RANBP17: variants seen among roughly 807,000 people sequenced by gnomAD.
RANBP17 encodes RAN binding protein 17, also known as ran-binding protein 17.
A neutral mutation model predicts 141.2 loss-of-function variants in RANBP17; 158 were observed. The observed-to-expected ratio is 1.12, with a 90% CI of 0.98 to 1.28. The LOEUF is 1.28. Among genes scored for constraint, RANBP17 ranks in the 50% most tolerant of loss-of-function variants. The probability of loss-of-function intolerance (pLI) is 0.00; values close to 1 mark genes in which losing one functional copy is unlikely to be tolerated. For synonymous variants in RANBP17, 430 were observed against 450.0 expected, an observed-to-expected ratio of 0.96 and a Z score of 0.56; for missense variants, 1,438 against 1,290.7, an observed-to-expected ratio of 1.11 and a Z score of -1.75.
At chr5:171,245,253 T>C (rs1048292491) in intron 24 of RANBP17, among the ~76,000 whole-genome samples, 2 of 152,222 alleles carry the variant, frequency 1.3e-5, no homozygotes, top group African/African-American at 4.8e-5. Context: ...TAACTTGTTA[T>C]TTTTGAATGT....
intron 14 of RANBP17, among the ~76,000 whole-genome samples, chr5:171,117,663 T>A (rs1051090872): frequency 1.3e-5 from 2 of 152,036 alleles, no homozygotes; most frequent in Non-Finnish European, 2.9e-5. Context: ...CCAGCTAATT[T>A]TTGTATTTTT....
chr5:171,007,864 G>A (rs1779761951), intron 14 of RANBP17, among the ~76,000 whole-genome samples: 1 of 152,142 alleles, frequency 6.6e-6, no homozygotes, highest in African/African-American at 2.4e-5. Flanking sequence ...AAGGAGGAAT[G>A]GAGGGTGGAA....
intron 14 of RANBP17, among the ~76,000 whole-genome samples, chr5:171,016,916 C>T (rs1352625974): frequency 1.4e-5 from 2 of 148,050 alleles, no homozygotes; most frequent in African/African-American, 2.5e-5. Context: ...CCCCCACCCC[C>T]CAACAGGCCC....
intron 14 of RANBP17, among the ~76,000 whole-genome samples, chr5:171,114,931 T>G (rs1755504888): frequency 6.6e-6 from 1 of 151,718 alleles, no homozygotes; most frequent in South Asian, 2.1e-4. Flanking sequence ...CATGGCAATT[T>G]AGTGAAACCC....
intron 12 of RANBP17, among the ~76,000 whole-genome samples, chr5:170,951,852 A>T (rs1775239219): frequency 6.6e-6 from 1 of 152,060 alleles, no homozygotes; most frequent in South Asian, 2.1e-4. Context: ...AGTGATTATG[A>T]TATAAATATT....
At chr5:171,058,352 C>T (rs1783555422) in intron 14 of RANBP17, among the ~76,000 whole-genome samples, 1 of 133,090 alleles carries the variant, frequency 7.5e-6, no homozygotes, top group Admixed American at 8.5e-5. Flanking sequence ...TGATGTTCCT[C>T]TTCCTGTGTC....
intron 18 of RANBP17, among the ~76,000 whole-genome samples, chr5:171,192,611 A>G (rs1246336541): frequency 6.6e-6 from 1 of 152,226 alleles, no homozygotes; most frequent in Non-Finnish European, 1.5e-5. Context: ...TAAATAAGAT[A>G]AAGATACATA....
At chr5:171,058,435 GT>G (rs1783562460) in intron 14 of RANBP17, among the ~76,000 whole-genome samples, 1 of 150,564 alleles carries the variant, frequency 6.6e-6, no homozygotes, top group Non-Finnish European at 1.5e-5. Flanking sequence ...CCTTGTGATA[GT>G]TTGCTGAGAA....
chr5:171,206,338 T>C (rs1764946285), intron 20 of RANBP17: 1 of 156,372 alleles, frequency 6.4e-6, no homozygotes, highest in African/African-American at 2.4e-5. Flanking sequence ...CATGGTATAT[T>C]GTAACCATTA....
At chr5:171,023,448 ACTT>A (rs1781024458) in intron 14 of RANBP17, among the ~76,000 whole-genome samples, 1 of 152,040 alleles carries the variant, frequency 6.6e-6, no homozygotes, top group Non-Finnish European at 1.5e-5. Context: ...TGCTATTTAC[ACTT>A]CTTTTCTTTG....
At chr5:171,114,679 T>G (rs555336040) in intron 14 of RANBP17, among the ~76,000 whole-genome samples, 1 of 148,912 alleles carries the variant, frequency 6.7e-6, no homozygotes, top group East Asian at 2.0e-4. Flanking sequence ...TGCCAGCATT[T>G]TAGAAGCATT....
At chr5:170,905,565 C>T (rs1378503755) in intron 5 of RANBP17, among the ~76,000 whole-genome samples, 1 of 152,094 alleles carries the variant, frequency 6.6e-6, no homozygotes, top group Non-Finnish European at 1.5e-5. Context: ...TCACGGCCAT[C>T]ACCTTCCTGA....
chr5:170,884,705 A>G (rs756138769), intron 3 of RANBP17, among the ~76,000 whole-genome samples: 18 of 152,286 alleles, frequency 1.2e-4, no homozygotes, highest in Non-Finnish European at 2.1e-4. Context: ...AAATGTTTCT[A>G]TAAAGTACCA....
chr5:170,916,815 G>A (rs561569986), intron 9 of RANBP17, among the ~76,000 whole-genome samples: 15 of 150,772 alleles, frequency 9.9e-5, no homozygotes, highest in Middle Eastern at 3.4e-3. Flanking sequence ...TCCCGGGTTC[G>A]AGTGATTCTT....
Position 171,183,441 on chromosome 5 carries a change from G to C in RANBP17, c.2038+11G>C. On this transcript the variant is annotated intron_variant, in intron 18 of 27. Transcript: ENST00000523189. ...TGATGGTAGATCTGGGTAAGGTTAA[G>C]AATTTAAACTCAATTAATAAGGGAT... is the stretch of plus-strand genomic sequence containing the variant. The C allele has an allele frequency of 6.4e-7, 1 of 1,573,140 alleles. No homozygotes were observed. The highest frequency in any genetic ancestry group is 8.7e-7 in the Non-Finnish European group (1 of 1,142,868).
intron 14 of RANBP17, among the ~76,000 whole-genome samples, chr5:171,091,712 A>G (rs975838848): frequency 1.3e-5 from 2 of 152,188 alleles, no homozygotes; most frequent in African/African-American, 4.8e-5. Context: ...CATGATAGCG[A>G]ATAAGTCTCA....
At chr5:171,020,411 T>C (rs1010145583) in intron 14 of RANBP17, among the ~76,000 whole-genome samples, 2 of 152,194 alleles carry the variant, frequency 1.3e-5, no homozygotes, top group African/African-American at 4.8e-5. Context: ...TAAGTCTCTT[T>C]GTAGGTCTCT....
At chr5:171,076,726 A>G (rs1225546274) in intron 14 of RANBP17, among the ~76,000 whole-genome samples, 1 of 152,180 alleles carries the variant, frequency 6.6e-6, no homozygotes, top group Non-Finnish European at 1.5e-5. Flanking sequence ...GTATGTAGAA[A>G]AGTCTCTGTT....
At chr5:171,233,520 A>C (rs1183709302) in intron 22 of RANBP17, among the ~76,000 whole-genome samples, 1 of 152,198 alleles carries the variant, frequency 6.6e-6, no homozygotes, top group Non-Finnish European at 1.5e-5. Context: ...GGATAAATAA[A>C]CAACAGTACA....
Sources: gnomAD v4.1 joint callset for allele counts (sites outside exome capture counted in the v4.1 genomes callset) on GRCh38, gnomAD v4.1.1 for gene constraint, MANE v1.5 for transcripts, NCBI Gene and HGNC (gene_info 2026-07-23, HGNC 2026-07-21) for gene names.